Variants in MGA observed in about 807,000 individuals in gnomAD.
MGA encodes the protein MAX dimerization protein MGA, also known as MAX gene-associated protein.
A neutral mutation model predicts 261.1 loss-of-function variants in MGA; 40 were observed. The observed-to-expected ratio is 0.15, with a 90% CI of 0.12 to 0.20. The LOEUF (loss-of-function observed/expected upper bound fraction) is 0.20, where lower values mean the gene tolerates loss of function less well. MGA is among the 10% of genes least tolerant of loss of function. MGA has a pLI of 1.00. For missense variants in MGA, 3,397 were observed against 3,630.5 expected, an observed-to-expected ratio of 0.94 and a Z score of 1.65; for synonymous variants, 1,302 against 1,290.6, an observed-to-expected ratio of 1.01 and a Z score of -0.19.
At chr15:41,691,079 C>G (rs1213520427) in intron 2 of MGA, among the ~76,000 whole-genome samples, 1 of 140,804 alleles carries the variant, frequency 7.1e-6, no homozygotes, top group Non-Finnish European at 1.5e-5. Flanking sequence ...AAAAAAATCA[C>G]AGATGGAGTT....
chr15:41,649,610 G>C (rs533495877), intron 1 of MGA, among the ~76,000 whole-genome samples: 7 of 152,218 alleles, frequency 4.6e-5, no homozygotes, highest in Middle Eastern at 3.4e-3. Context: ...AGGATATGTA[G>C]TTGGATATGG....
In MGA at chr15:41,766,206, T is replaced by A; in HGVS notation, c.8124T>A (p.Asp2708Glu). The A allele has an allele frequency of 6.2e-7, 1 of 1,613,986 alleles. No individual in the cohort carries two copies. The highest frequency in any genetic ancestry group is 1.3e-5 in the African/African-American group (1 of 75,052). Residue 2708 changes from aspartate (D) to glutamate (E), a missense_variant, in exon 24 of 24, where the codon GAT (aspartate) becomes GAA (glutamate). Coordinates refer to ENST00000219905, the MANE Select transcript of MGA (RefSeq NM_001164273.2). ...GAATCTCTTCCAGAGGAAACAGAGATGGCAGAGTGACGTTGGGTCCAACGC... is the reference window on the plus strand; with the variant it reads ...GAATCTCTTCCAGAGGAAACAGAGAAGGCAGAGTGACGTTGGGTCCAACGC...
chr15:41,696,169 G>T lies in MGA; in HGVS notation c.1159G>T (p.Asp387Tyr). ...TGTTGTTATTAAAGAGGAACCTCTA[G>T]ATGATTATGACTACGAACTTGGTGA... is the stretch of plus-strand genomic sequence containing the variant. Residue 387 changes from aspartate (D) to tyrosine (Y), a missense_variant, in exon 3 of 24, where the codon GAT becomes TAT. Transcript: ENST00000219905. 6.2e-7 allele frequency: 1 copy of T among 1,613,970 alleles called. No homozygotes were observed. The highest frequency in any genetic ancestry group is 8.5e-7 in the Non-Finnish European group (1 of 1,179,888).
At chr15:41,695,869 A>G (rs182836094) in intron 2 of MGA, among the ~76,000 whole-genome samples, 2 of 152,172 alleles carry the variant, frequency 1.3e-5, no homozygotes, top group East Asian at 1.9e-4. Context: ...TTGTGTTGCA[A>G]TTCTTAGTTG....
At chr15:41,707,534 T>C (rs541091905) in intron 5 of MGA, among the ~76,000 whole-genome samples, 194 bp from the exon 6 acceptor site, 1 of 152,342 alleles carries the variant, frequency 6.6e-6, no homozygotes, top group African/African-American at 2.4e-5. Flanking sequence ...TAATACCAGA[T>C]GTCATGGATC....
In MGA at chr15:41,766,109, C is replaced by T. The variant is rs771629559; in HGVS notation, c.8027C>T (p.Pro2676Leu). 267 of 1,613,816 alleles carry T rather than the reference C, an allele frequency of 1.7e-4. 1 individual carries two copies. The highest frequency in any genetic ancestry group is 2.1e-4 in the Non-Finnish European group (250 of 1,179,896). Reference sequence around the variant, plus strand: ...GGCAGCAAATATCCTCATGAAGTTCCTGATAGCAAGCCATCTGACCATCTG... The same window carrying T: ...GGCAGCAAATATCCTCATGAAGTTCTTGATAGCAAGCCATCTGACCATCTG... The change falls in exon 24 of 24, where the codon CCT (proline) becomes CTT (leucine). Residue 2676 changes from proline (P) to leucine (L), a missense_variant. Physicochemically the swap from Pro to Leu is moderately conservative, Grantham distance 98. Around this residue, in one of 9 missense-constraint regions of MGA, gnomAD observed 647 missense variants for 642.4 expected, o/e 1.01. Coordinates refer to ENST00000219905, the MANE Select transcript of MGA (RefSeq NM_001164273.2).
At chr15:41,679,335 C>T (rs1056078293) in intron 2 of MGA, among the ~76,000 whole-genome samples, 10 of 152,102 alleles carry the variant, frequency 6.6e-5, no homozygotes, top group Non-Finnish European at 4.4e-5. Context: ...TGAGCCACCG[C>T]GCTGGGCCGA....
rs140104446 is a variant in MGA, at chr15:41,727,412, T to A, written c.3657+6T>A. On this transcript the variant is annotated splice_donor_region_variant and intron_variant, in intron 10 of 23. Coordinates refer to ENST00000219905, the MANE Select transcript of MGA (RefSeq NM_001164273.2). ...CTCCCAAACCCAATCCTGTGGTAAG[T>A]CTGGAATTTAATCTTTTATTACAAG... The A allele has an allele frequency of 9.6e-4, 1,543 of 1,605,422 alleles. 21 individuals carry two copies. The African/African-American group carries it at 0.019, about 19-fold the overall frequency.
Position 41,766,942 on chromosome 15 carries a change from C to A in MGA, c.8860C>A (p.Leu2954Ile), listed in dbSNP as rs747826631. 1 of 1,613,976 alleles carries A rather than the reference C, an allele frequency of 6.2e-7. No individual in the cohort carries two copies. The stretch of plus-strand genomic sequence containing the variant: ...TGATGGAGGGAAGAATACTTCTGGC[C>A]TCCCTGCAGAGCCCGAAAGTGTGTC... Residue 2954 changes from leucine to isoleucine, a missense_variant, in exon 24 of 24, where the codon CTC becomes ATC. Physicochemically the swap from Leu to Ile is conservative, Grantham distance 5 (BLOSUM62 2). This residue lies in a region of MGA where 647 missense variants were observed against 642.4 expected (regional missense o/e 1.01). Transcript: ENST00000219905.
chr15:41,688,392 T>G (rs1309229199), intron 2 of MGA, among the ~76,000 whole-genome samples: 1 of 152,194 alleles, frequency 6.6e-6, no homozygotes, highest in African/African-American at 2.4e-5. Flanking sequence ...TTTTAAAGTC[T>G]ACTTTGTTTG....
chr15:41,727,477 A>G (rs2061311205), intron 10 of MGA, 71 bp downstream of exon 10: 2 of 1,399,846 alleles, frequency 1.4e-6, no homozygotes, highest in South Asian at 1.3e-5. Context: ...TTTCAAGCAG[A>G]TTTTTGGTTG....
At position 41,727,413 on chromosome 15, in the gene MGA, C is replaced by T. The variant is rs766581456; in HGVS notation, c.3657+7C>T. The T allele has an allele frequency of 8.7e-6, 14 of 1,604,538 alleles. No individual in the cohort carries two copies. Among genetic ancestry groups the T allele is most frequent in the Non-Finnish European group, 1.2e-5 (14 of 1,174,266 alleles). ...TCCCAAACCCAATCCTGTGGTAAGTCTGGAATTTAATCTTTTATTACAAGT... is the reference window on the plus strand; with the variant it reads ...TCCCAAACCCAATCCTGTGGTAAGTTTGGAATTTAATCTTTTATTACAAGT... On this transcript the variant is annotated splice_region_variant and intron_variant, in intron 10 of 23. Coordinates refer to ENST00000219905, the MANE Select transcript of MGA (RefSeq NM_001164273.2).
chr15:41,757,716 G>T, intron 18 of MGA, 72 bp from the exon 19 acceptor site: 1 of 1,238,582 alleles, frequency 8.1e-7, no homozygotes, highest in Non-Finnish European at 1.2e-6. Context: ...GGAATGGTTT[G>T]GTTGTAGCTG....
chr15:41,665,144 A>T (rs1395030615), intron 1 of MGA, among the ~76,000 whole-genome samples: 1 of 152,190 alleles, frequency 6.6e-6, no homozygotes, highest in Non-Finnish European at 1.5e-5. Flanking sequence ...TGTATGACCA[A>T]TCTTGTAAGA....
intron 9 of MGA, among the ~76,000 whole-genome samples, chr15:41,720,366 A>G (rs2060876035): frequency 6.6e-6 from 1 of 152,070 alleles, no homozygotes; most frequent in Admixed American, 6.5e-5. Flanking sequence ...CAATACTTCC[A>G]TCTCTACTAA....
At chr15:41,644,346 C>CAAAAAAAAAAAAAAAAAAAAAA (rs34743222) in intron 1 of MGA, among the ~76,000 whole-genome samples, 1 of 65,696 alleles carries the variant, frequency 1.5e-5, no homozygotes, top group African/African-American at 5.8e-5. Context: ...CCATCTGTAC[C>CAAAAAAAAAAAAAAAAAAAAAA]AAAAAAAAAA....
At chr15:41,693,091 C>A (rs960314503) in intron 2 of MGA, among the ~76,000 whole-genome samples, 1 of 152,158 alleles carries the variant, frequency 6.6e-6, no homozygotes, top group African/African-American at 2.4e-5. Context: ...CTGCCTGCCT[C>A]GGCCTCCCAA....
intron 1 of MGA, among the ~76,000 whole-genome samples, chr15:41,654,134 A>T (rs982973261): frequency 5.9e-5 from 9 of 152,260 alleles, no homozygotes; most frequent in Admixed American, 3.9e-4. Flanking sequence ...TGGCAAAGTG[A>T]CTTATACTCC....
At chr15:41,647,438 T>G (rs2056956469) in intron 1 of MGA, among the ~76,000 whole-genome samples, 1 of 151,718 alleles carries the variant, frequency 6.6e-6, no homozygotes, top group Non-Finnish European at 1.5e-5. Context: ...ACTACTCCAC[T>G]TATGAAACTG....
Sources: gnomAD v4.1 joint callset for allele counts (sites outside exome capture counted in the v4.1 genomes callset) on GRCh38, gnomAD v4.1.1 for gene constraint, gnomAD v4.1.1 regional missense constraint, MANE v1.5 for transcripts, NCBI Gene and HGNC (gene_info 2026-07-23, HGNC 2026-07-21) for gene names.